The following WDR7 variants were observed in gnomAD, a reference collection of about 807,000 sequenced individuals.
WDR7 encodes WD repeat domain 7, also known as WD repeat-containing protein 7.
WDR7 carries 46 observed loss-of-function variants against 169.4 expected under a neutral mutation model. The ratio of observed to expected loss-of-function variants is 0.27; its 90% CI spans 0.21 to 0.35. The LOEUF (loss-of-function observed/expected upper bound fraction) is 0.35. WDR7 is among the 10% of genes least tolerant of loss of function. WDR7 has a pLI of 1.00. For missense variants in WDR7, 1,534 were observed against 1,859.3 expected, an observed-to-expected ratio of 0.83 and a Z score of 3.22; for synonymous variants, 612 against 666.8, an observed-to-expected ratio of 0.92 and a Z score of 1.27.
chr18:56,887,179 C>A (rs909123795), intron 21 of WDR7, among the ~76,000 whole-genome samples: 1 of 151,980 alleles, frequency 6.6e-6, no homozygotes, highest in African/African-American at 2.4e-5. Context: ...AACTGAAGGG[C>A]CTTAGGACTG....
chr18:57,006,427 G>A (rs1216176380), intron 26 of WDR7, among the ~76,000 whole-genome samples: 1 of 151,526 alleles, frequency 6.6e-6, no homozygotes, highest in Non-Finnish European at 1.5e-5. Context: ...ATTTTTCATT[G>A]ACAAATATTA....
chr18:56,845,794 C>A (rs961260763), intron 20 of WDR7, among the ~76,000 whole-genome samples: 66 of 151,990 alleles, frequency 4.3e-4, no homozygotes, highest in Non-Finnish European at 2.9e-5. Flanking sequence ...TTCTAAAAAA[C>A]TGCATATATG....
At chr18:56,831,336 G>T (rs530609453) in intron 20 of WDR7, among the ~76,000 whole-genome samples, 6 of 152,186 alleles carry the variant, frequency 3.9e-5, no homozygotes, top group Admixed American at 3.9e-4. Context: ...TCTGTTTGTT[G>T]GCTGAGCTGC....
intron 21 of WDR7, among the ~76,000 whole-genome samples, chr18:56,887,223 CTA>C (rs61356281): frequency 0.05 from 7,612 of 152,124 alleles, 671 homozygotes; most frequent in African/African-American, 0.18. Context: ...GGAAGTTGAA[CTA>C]TATGGAAAGG....
At chr18:56,799,863 G>GT (rs1303678373) in intron 19 of WDR7, among the ~76,000 whole-genome samples, 1 of 152,120 alleles carries the variant, frequency 6.6e-6, no homozygotes, top group Non-Finnish European at 1.5e-5. Context: ...GGCATTCTCT[G>GT]TAAGAGTAAT....
chr18:56,731,432 C>T lies in WDR7; in HGVS notation c.1824C>T (p.Asn608=), dbSNP rs373921210. 69 of 1,614,018 alleles carry T rather than the reference C, an allele frequency of 4.3e-5. No homozygotes were observed. The highest frequency in any genetic ancestry group is 9.9e-5 in the South Asian group (9 of 91,092). The change falls in exon 14 of 28, where the codon AAC becomes AAT. Residue 608 remains asparagine (N), a synonymous_variant. Transcript: ENST00000254442. Reference sequence around the variant, plus strand: ...GGATAACAGCAGTTGAGATTCTAAACGCTTGTGATGAAGCTGTTCCTGCTG... The same window carrying T: ...GGATAACAGCAGTTGAGATTCTAAATGCTTGTGATGAAGCTGTTCCTGCTG... The part of the protein sequence containing the change: ...VMGITAVEIL[N]ACDEAVPAAV...
At chr18:56,707,690 G>A (rs943947877) in intron 12 of WDR7, among the ~76,000 whole-genome samples, 9 of 152,084 alleles carry the variant, frequency 5.9e-5, no homozygotes, top group Non-Finnish European at 1.2e-4. Context: ...GATCAAGGGG[G>A]AGGTTTGACC....
chr18:56,855,237 T>TC (rs1239450143), intron 20 of WDR7, among the ~76,000 whole-genome samples: 3 of 151,658 alleles, frequency 2.0e-5, no homozygotes, highest in Non-Finnish European at 2.9e-5. Flanking sequence ...TTTGCCTGTT[T>TC]TTTTTTCCCC....
intron 21 of WDR7, among the ~76,000 whole-genome samples, chr18:56,895,344 C>T (rs896632994): frequency 1.3e-5 from 2 of 151,496 alleles, no homozygotes; most frequent in African/African-American, 4.8e-5. Flanking sequence ...AAGTAAAATA[C>T]AACAAAAAAA....
chr18:56,779,448 G>T lies in WDR7; in HGVS notation c.2965G>T (p.Ala989Ser). Residue 989 changes from alanine (A) to serine (S), a missense_variant, in exon 18 of 28, where the codon GCT (alanine) becomes TCT (serine). Transcript: ENST00000254442. The stretch of plus-strand genomic sequence containing the variant: ...TTTGACAGGTTGGAGTCAGTTAGCT[G>T]CTATGCACTGTGTTATGCTGCCAGA... ...LVNEGWSQLA[A>S]MHCVMLPDLL... is the part of the protein sequence containing the mutation. The T allele has an allele frequency of 1.2e-6, 2 of 1,612,616 alleles. No individual in the cohort carries two copies. The highest frequency in any genetic ancestry group is 1.7e-6 in the Non-Finnish European group (2 of 1,179,312).
intron 26 of WDR7, among the ~76,000 whole-genome samples, chr18:56,971,198 G>A (rs1386478939): frequency 6.6e-6 from 1 of 151,636 alleles, no homozygotes; most frequent in Non-Finnish European, 1.5e-5. Context: ...CTTGAACCTG[G>A]GAGGCGGAAG....
At chr18:56,922,597 A>G (rs923889470) in intron 21 of WDR7, among the ~76,000 whole-genome samples, 1 of 152,208 alleles carries the variant, frequency 6.6e-6, no homozygotes, top group African/African-American at 2.4e-5. Context: ...TTGTTAATCT[A>G]CAATCCATGG....
At chr18:56,884,192 G>T (rs901973907) in intron 21 of WDR7, among the ~76,000 whole-genome samples, 2 of 152,090 alleles carry the variant, frequency 1.3e-5, no homozygotes, top group African/African-American at 4.8e-5. Context: ...TTTGATCATG[G>T]CCATTCTTGC....
intron 26 of WDR7, among the ~76,000 whole-genome samples, chr18:56,973,518 A>G (rs557734538): frequency 1.3e-5 from 2 of 152,174 alleles, no homozygotes; most frequent in African/African-American, 4.8e-5. Context: ...CCACCTATAT[A>G]TAGTCCACAA....
chr18:56,794,521 G>A (rs1299388319), intron 19 of WDR7, among the ~76,000 whole-genome samples: 1 of 151,644 alleles, frequency 6.6e-6, no homozygotes, highest in East Asian at 1.9e-4. Context: ...GTGCTAACAA[G>A]GATGGTCTCG....
rs112201562 is a variant in WDR7 at position 57,000,027 on chromosome 18, C to T, written c.4165-20718C>T. 5.3e-5 allele frequency among the ~76,000 whole-genome samples: 8 copies of T among 152,166 alleles called. No individual in the cohort carries two copies. The South Asian group carries it at 1.2e-3, about 24-fold the overall frequency. ...CTGGAACAGTGCTGCAGCTGGCCAG[C>T]GTACCACAATTTCCTCAGCTGGGAG... is the stretch of plus-strand genomic sequence containing the variant. On this transcript the variant is annotated intron_variant, in intron 26 of 27. Transcript: ENST00000254442.
intron 20 of WDR7, among the ~76,000 whole-genome samples, chr18:56,868,054 G>T (rs919363232): frequency 6.6e-6 from 1 of 152,038 alleles, no homozygotes; most frequent in Non-Finnish European, 1.5e-5. Flanking sequence ...CAAAGGTGTG[G>T]GCATTAATTT....
At chr18:56,994,016 C>CTT (rs35579782) in intron 26 of WDR7, among the ~76,000 whole-genome samples, 3 of 129,204 alleles carry the variant, frequency 2.3e-5, no homozygotes, top group African/African-American at 5.9e-5. Flanking sequence ...CTTTTTTTTT[C>CTT]TTTTTTTTTT....
chr18:56,922,428 A>G (rs181402489), intron 21 of WDR7, among the ~76,000 whole-genome samples: 1 of 152,284 alleles, frequency 6.6e-6, no homozygotes, highest in Admixed American at 6.5e-5. Context: ...GAAAATAGAA[A>G]AATGTGTGTT....
Sources: allele counts gnomAD v4.1 joint callset (sites outside exome capture counted in the v4.1 genomes callset), GRCh38; gene constraint gnomAD v4.1.1; transcripts MANE v1.5; gene names NCBI Gene and HGNC (gene_info 2026-07-23, HGNC 2026-07-21).